Variants in ZC3H3 observed in about 807,000 individuals in gnomAD.
The protein encoded by ZC3H3 is zinc finger CCCH-type containing 3, also known as zinc finger CCCH domain-containing protein 3.
ZC3H3 carries 36 observed loss-of-function variants against 77.3 expected under a neutral mutation model. The ratio of observed to expected loss-of-function variants is 0.47; its 90% CI spans 0.36 to 0.61. ZC3H3 has a LOEUF of 0.61. Among genes scored for constraint, ZC3H3 ranks in the 20% least tolerant of loss-of-function variants. The probability of loss-of-function intolerance (pLI) is 0.00; values close to 1 mark genes in which losing one functional copy is unlikely to be tolerated. For missense variants in ZC3H3, 1,331 were observed against 1,312.2 expected, an observed-to-expected ratio of 1.01 and a Z score of -0.22; for synonymous variants, 626 against 555.2, an observed-to-expected ratio of 1.13 and a Z score of -1.79.
rs374374146 is a variant in ZC3H3 at position 143,484,462 on chromosome 8, T to C, written c.1716-8877A>G. 3 of 155,428 alleles carry C rather than the reference T, an allele frequency of 1.9e-5. No homozygotes were observed. In the East Asian group the frequency reaches 5.7e-4, roughly 29 times the overall value. 9.6% of individuals were successfully genotyped at this position (155,428 alleles called of 1,614,324 possible). On this transcript the variant is annotated intron_variant, in intron 4 of 11. Transcript: ENST00000262577. ...ATGGATGCATTACAAGCTTTCCCTTTAAGAGCCTAATAAACAACAAGATGG... is the reference window on the plus strand; with the variant it reads ...ATGGATGCATTACAAGCTTTCCCTTCAAGAGCCTAATAAACAACAAGATGG...
chr8:143,460,145 G>A lies in ZC3H3; in HGVS notation c.2307+5572C>T, dbSNP rs1820220051. On this transcript the variant is annotated intron_variant, in intron 9 of 11. Transcript: ENST00000262577. The surrounding 1 kb of genome is among the most constrained non-coding windows in gnomAD (Gnocchi z 4.0). ...CACCTGTAGTCCCAGCTACTTGGGA[G>A]GCTGAGGCAGGAGAATCACTCGAAC... is the stretch of plus-strand genomic sequence containing the variant. 1.3e-5 allele frequency among the ~76,000 whole-genome samples: 2 copies of A among 152,024 alleles called. No individual in the cohort carries two copies. The highest frequency in any genetic ancestry group is 1.3e-4 in the Admixed American group (2 of 15,250).
At chr8:143,502,900 A>C (rs1356962674) in intron 4 of ZC3H3, among the ~76,000 whole-genome samples, 1 of 152,244 alleles carries the variant, frequency 6.6e-6, no homozygotes, top group Non-Finnish European at 1.5e-5. Flanking sequence ...TCAAGGCAGC[A>C]GTCCTGGGGC....
At chr8:143,517,091 G>A (rs924628069) in intron 3 of ZC3H3, among the ~76,000 whole-genome samples, 1 of 152,238 alleles carries the variant, frequency 6.6e-6, no homozygotes, top group African/African-American at 2.4e-5. Flanking sequence ...TTAAAGGGAA[G>A]ATTGAGACCC....
rs775685763 is a variant in ZC3H3, at chr8:143,538,038, G to A, written c.1329C>T (p.Ser443=). 6.2e-7 allele frequency: 1 copy of A among 1,611,764 alleles called. No individual in the cohort carries two copies. The highest frequency in any genetic ancestry group is 1.1e-5 in the South Asian group (1 of 90,950). ...ETPLSAYKVK[S]RTKIIRRRSS... is the part of the protein sequence containing the mutation. The stretch of plus-strand genomic sequence containing the variant: ...TGCGTCTCCGGATGATCTTGGTGCG[G>A]CTCTTCACTTTGTAAGCCGAGAGCG... Residue 443 remains serine, a synonymous_variant, in exon 2 of 12, where the codon AGC becomes AGT. Transcript: ENST00000262577.
intron 9 of ZC3H3, among the ~76,000 whole-genome samples, chr8:143,442,881 A>G (rs192786750): frequency 6.6e-6 from 1 of 152,378 alleles, no homozygotes; most frequent in African/African-American, 2.4e-5. Context: ...GGTGGCTACT[A>G]GAAAAGCTGA....
At position 143,440,102 on chromosome 8, in the gene ZC3H3, C is replaced by T. The variant is rs764836333; in HGVS notation, c.2754G>A (p.Ser918=). 31 of 1,607,256 alleles carry T rather than the reference C, an allele frequency of 1.9e-5. No homozygotes were observed. The East Asian group carries it at 5.1e-4, about 27-fold the overall frequency. ...KLPSFISLQS[S]PSPGAQPRVR... ...CCCTGGGCTGGGCTCCTGGGCTCGG[C>T]GAGGACTGCAGGGAGATGAAGGAAG... The change falls in exon 11 of 12, where the codon TCG becomes TCA. Residue 918 remains serine, a synonymous_variant. Coordinates refer to ENST00000262577, the MANE Select transcript of ZC3H3 (RefSeq NM_015117.3).
At chr8:143,534,999 C>A (rs933309271) in intron 3 of ZC3H3, among the ~76,000 whole-genome samples, 1 of 152,098 alleles carries the variant, frequency 6.6e-6, no homozygotes, top group Non-Finnish European at 1.5e-5. Flanking sequence ...AGGCCCAGCT[C>A]CTTCCAGAGC....
At chr8:143,483,692 C>T (rs549032664) in intron 4 of ZC3H3, among the ~76,000 whole-genome samples, 3 of 152,204 alleles carry the variant, frequency 2.0e-5, no homozygotes, top group African/African-American at 7.2e-5. Context: ...GTGGTGGCCA[C>T]GCAGGCCTCA....
chr8:143,522,362 C>T (rs1471318151), intron 3 of ZC3H3, among the ~76,000 whole-genome samples: 2 of 149,746 alleles, frequency 1.3e-5, no homozygotes, highest in African/African-American at 2.5e-5. Context: ...CAGCACTTTG[C>T]GAGGCCAAGG....
At chr8:143,449,881 T>C (rs541374699) in intron 9 of ZC3H3, among the ~76,000 whole-genome samples, 2 of 151,758 alleles carry the variant, frequency 1.3e-5, no homozygotes, top group Non-Finnish European at 3.0e-5. Flanking sequence ...AAAGTAACCT[T>C]TGCTCCAGTT....
intron 4 of ZC3H3, among the ~76,000 whole-genome samples, chr8:143,498,544 A>AG (rs147345061): frequency 0.028 from 4,223 of 152,004 alleles, 175 homozygotes; most frequent in African/African-American, 0.096. Context: ...AGGACATACA[A>AG]GTAGGCAGCA....
intron 10 of ZC3H3, 38 bp from the exon 11 acceptor site, chr8:143,440,401 G>A (rs1416410661): frequency 1.3e-6 from 2 of 1,494,190 alleles, no homozygotes; most frequent in Non-Finnish European, 1.8e-6. Context: ...GAGGTGGGGT[G>A]ACGGGTGGGG....
At chr8:143,520,539 G>A (rs768385496) in intron 3 of ZC3H3, among the ~76,000 whole-genome samples, 3 of 152,196 alleles carry the variant, frequency 2.0e-5, no homozygotes, top group African/African-American at 4.8e-5. Flanking sequence ...ACCGCAGGGT[G>A]CTGGTTTCAG....
At chr8:143,451,043 A>G (rs1819975173) in intron 9 of ZC3H3, among the ~76,000 whole-genome samples, 1 of 152,154 alleles carries the variant, frequency 6.6e-6, no homozygotes, top group South Asian at 2.1e-4. Context: ...ACCACCAGAG[A>G]AGGCCTGTGG....
intron 4 of ZC3H3, among the ~76,000 whole-genome samples, chr8:143,486,350 G>A (rs1034056029): frequency 1.3e-5 from 2 of 152,354 alleles, no homozygotes; most frequent in South Asian, 2.1e-4. Flanking sequence ...GGCTGGGGCC[G>A]CACCGAGGCT....
intron 3 of ZC3H3, among the ~76,000 whole-genome samples, chr8:143,517,398 G>T (rs1822094149): frequency 6.6e-6 from 1 of 152,134 alleles, no homozygotes; most frequent in African/African-American, 2.4e-5. Flanking sequence ...CTTGGGCAGG[G>T]GTGCAGAGGA....
intron 4 of ZC3H3, among the ~76,000 whole-genome samples, chr8:143,505,025 T>G (rs2956377): frequency 1 from 152,054 of 152,292 alleles, 75,908 homozygotes; most frequent in South Asian, 1. Context: ...AGGGGTCGGC[T>G]GGGGCATCCC....
At chr8:143,500,976 C>CA (rs1563863394) in intron 4 of ZC3H3, among the ~76,000 whole-genome samples, 1 of 126,422 alleles carries the variant, frequency 7.9e-6, no homozygotes, top group Non-Finnish European at 1.7e-5. Flanking sequence ...CCATGCCCGA[C>CA]CTTTTTTTTT....
chr8:143,521,148 A>G (rs1822229899), intron 3 of ZC3H3, among the ~76,000 whole-genome samples: 1 of 152,094 alleles, frequency 6.6e-6, no homozygotes, highest in Non-Finnish European at 1.5e-5. Flanking sequence ...AACCACGGCC[A>G]CCCCAGGGGC....
Sources: allele counts gnomAD v4.1 joint callset (sites outside exome capture counted in the v4.1 genomes callset), GRCh38; gene constraint gnomAD v4.1.1; non-coding constraint Gnocchi (gnomAD v3.1); transcripts MANE v1.5; gene names NCBI Gene and HGNC (gene_info 2026-07-23, HGNC 2026-07-21).